Variants in PCDHA13 observed in about 807,000 individuals in gnomAD.
The protein encoded by PCDHA13 is protocadherin alpha 13, also known as protocadherin alpha-13.
Under a neutral mutation model 64.8 loss-of-function variants are expected in PCDHA13, and 54 were observed. The observed-to-expected ratio is 0.83, with a 90% CI of 0.67 to 1.04. PCDHA13 has a LOEUF of 1.04. PCDHA13 is among the 50% of genes least tolerant of loss of function. PCDHA13 has a pLI of 0.00. For missense variants in PCDHA13, 1,248 were observed against 1,254.3 expected (o/e 0.99, Z 0.08); for synonymous variants, 587 against 564.4 (o/e 1.04, Z -0.57).
At chr5:140,957,895 A>G (rs1169291586) in intron 1 of PCDHA13, among the ~76,000 whole-genome samples, 1 of 152,118 alleles carries the variant, frequency 6.6e-6, no homozygotes, top group African/African-American at 2.4e-5. Flanking sequence ...GTTGGCATCA[A>G]CCAAGGCATA....
intron 1 of PCDHA13, among the ~76,000 whole-genome samples, chr5:140,931,054 G>A (rs2087273007): frequency 6.6e-6 from 1 of 152,180 alleles, no homozygotes; most frequent in Admixed American, 6.5e-5. Context: ...CTTCAATGCT[G>A]TGTCTGGGAC....
At chr5:140,928,121 A>C in intron 1 of PCDHA13, 1 of 1,614,194 alleles carries the variant, frequency 6.2e-7, no homozygotes, top group Non-Finnish European at 8.5e-7. Flanking sequence ...CAGATCAGTG[A>C]ATACCAAGTC....
At chr5:140,985,290 A>G (rs1471502675) in intron 3 of PCDHA13, among the ~76,000 whole-genome samples, 1 of 152,108 alleles carries the variant, frequency 6.6e-6, no homozygotes, top group Non-Finnish European at 1.5e-5. Flanking sequence ...TCTATGATAT[A>G]GTGTTGGCTG....
At chr5:140,931,547 T>C (rs2087587732) in intron 1 of PCDHA13, among the ~76,000 whole-genome samples, 1 of 152,064 alleles carries the variant, frequency 6.6e-6, no homozygotes, top group Admixed American at 6.5e-5. Flanking sequence ...ACTGTTCATA[T>C]GTGCAGGAAT....
chr5:140,942,759 G>A (rs2093365403), intron 1 of PCDHA13, among the ~76,000 whole-genome samples: 1 of 152,074 alleles, frequency 6.6e-6, no homozygotes, highest in Admixed American at 6.6e-5. Context: ...AAATGAGATG[G>A]CATAATGTAT....
chr5:140,889,518 ATAT>A (rs2062258374), intron 1 of PCDHA13, among the ~76,000 whole-genome samples: 1 of 151,708 alleles, frequency 6.6e-6, no homozygotes, highest in South Asian at 2.1e-4. Flanking sequence ...TCCATTCTTG[ATAT>A]TATTTTTGCT....
At chr5:140,890,223 G>C (rs1218987173) in intron 1 of PCDHA13, among the ~76,000 whole-genome samples, 3 of 152,108 alleles carry the variant, frequency 2.0e-5, no homozygotes, top group Non-Finnish European at 4.4e-5. Context: ...CAGAGACCTA[G>C]TTGTTAAGCA....
At chr5:140,897,993 A>G (rs2066447415) in intron 1 of PCDHA13, among the ~76,000 whole-genome samples, 1 of 152,184 alleles carries the variant, frequency 6.6e-6, no homozygotes, top group African/African-American at 2.4e-5. Flanking sequence ...TCTTCTTTTG[A>G]GAAGTGTCTG....
At chr5:140,966,724 CGCCTCCGGCCCTGCCCGGCT>C (rs1563354102) in intron 1 of PCDHA13, 1 of 1,396,284 alleles carries the variant, frequency 7.2e-7, no homozygotes, top group Admixed American at 3.3e-5. Flanking sequence ...GGGAAGCTGC[CGCCTCCGGCCCTGCCCGGCT>C]GCCTCCGCCG....
At chr5:140,916,270 G>T (rs1487301756) in intron 1 of PCDHA13, among the ~76,000 whole-genome samples, 2 of 152,180 alleles carry the variant, frequency 1.3e-5, no homozygotes, top group Non-Finnish European at 2.9e-5. Context: ...GAGCATGCTT[G>T]TTGCTCTACT....
At chr5:140,924,223 T>A (rs2081726593) in intron 1 of PCDHA13, among the ~76,000 whole-genome samples, 1 of 152,230 alleles carries the variant, frequency 6.6e-6, no homozygotes, top group South Asian at 2.1e-4. Context: ...ATAAGTTCAA[T>A]TTTTATGGGC....
intron 1 of PCDHA13, among the ~76,000 whole-genome samples, chr5:140,894,240 ATTTTC>A (rs2064382890): frequency 6.6e-6 from 1 of 151,828 alleles, no homozygotes; most frequent in African/African-American, 2.4e-5. Flanking sequence ...TGACAATGTA[ATTTTC>A]TTTTCTTTAC....
In PCDHA13 at chr5:140,883,520, G is replaced by A. The variant is rs1554178526; in HGVS notation, c.1252G>A (p.Val418Ile). The change falls in exon 1 of 4, where the codon GTA (valine) becomes ATA (isoleucine). Residue 418 changes from valine to isoleucine, a missense_variant. Val to Ile is a conservative substitution (Grantham distance 29). Coordinates refer to ENST00000289272, the MANE Select transcript of PCDHA13 (RefSeq NM_018904.3). ...VLDSALDRES[V>I]SAYELVVTAR... ...GGACAGCGCCCTGGACCGCGAGAGC[G>A]TATCAGCCTATGAACTGGTGGTGAC... The A allele has an allele frequency of 6.2e-7, 1 of 1,614,222 alleles. No homozygotes were observed. The highest frequency in any genetic ancestry group is 8.5e-7 in the Non-Finnish European group (1 of 1,180,044).
At chr5:140,927,072 C>A in intron 1 of PCDHA13, 2 of 1,610,790 alleles carry the variant, frequency 1.2e-6, no homozygotes, top group Non-Finnish European at 1.7e-6. Flanking sequence ...TCCTTTCCAG[C>A]CACCGCGAGC....
chr5:140,911,941 T>C (rs1554195035), intron 1 of PCDHA13, among the ~76,000 whole-genome samples: 1 of 152,132 alleles, frequency 6.6e-6, no homozygotes, highest in Non-Finnish European at 1.5e-5. Flanking sequence ...TAGATGTATA[T>C]ATAAAGGGGA....
intron 1 of PCDHA13, among the ~76,000 whole-genome samples, chr5:140,970,841 C>T (rs782138970): frequency 2.0e-5 from 3 of 150,352 alleles, no homozygotes; most frequent in African/African-American, 7.5e-5. Context: ...ATGTAATGCA[C>T]AGGCACAAAA....
chr5:140,928,771 A>G lies in PCDHA13; in HGVS notation c.2394+44109A>G, dbSNP rs1554206294. 2 of 1,613,880 alleles carry G rather than the reference A, an allele frequency of 1.2e-6. No individual in the cohort carries two copies. Among genetic ancestry groups the G allele is most frequent in the East Asian group, 2.2e-5 (1 of 44,892 alleles). ...CCGTACTGCTCGCTTAGTTCTTCCC[A>G]CTGATGCAGTTAAGCAGAGGGTGGT... On this transcript the variant is annotated intron_variant, in intron 1 of 3. Coordinates refer to ENST00000289272, the MANE Select transcript of PCDHA13 (RefSeq NM_018904.3).
intron 1 of PCDHA13, among the ~76,000 whole-genome samples, chr5:140,886,264 A>G (rs1471846282): frequency 6.6e-6 from 1 of 151,982 alleles, no homozygotes; most frequent in Non-Finnish European, 1.5e-5. Context: ...CTATTTATAG[A>G]TAAAATTTTT....
chr5:140,994,017 T>C (rs2153920554), intron 3 of PCDHA13, among the ~76,000 whole-genome samples: 1 of 152,336 alleles, frequency 6.6e-6, no homozygotes, highest in South Asian at 2.1e-4. Flanking sequence ...TTCTAGGTGA[T>C]GCAGATATAA....
Sources: allele counts gnomAD v4.1 joint callset (sites outside exome capture counted in the v4.1 genomes callset), GRCh38; gene constraint gnomAD v4.1.1; transcripts MANE v1.5; gene names NCBI Gene and HGNC (gene_info 2026-07-23, HGNC 2026-07-21).